SLC26A1: variants seen among roughly 807,000 people sequenced by gnomAD.
SLC26A1 encodes sulfate anion transporter 1.
Under a neutral mutation model 14.5 loss-of-function variants are expected in SLC26A1, and 18 were observed. The observed-to-expected ratio is 1.24, with a 90% CI of 0.86 to 1.84. The LOEUF (loss-of-function observed/expected upper bound fraction) is 1.84. Ranked by LOEUF, SLC26A1 falls within the 40% of genes most tolerant of loss-of-function variation. SLC26A1 has a pLI of 0.00. For missense variants in SLC26A1, 1,049 were observed against 1,020.0 expected (o/e 1.03, Z -0.39); for synonymous variants, 505 against 492.0 (o/e 1.03, Z -0.35).
intron 2 of SLC26A1, chr4:990,679 C>T (rs62294518): frequency 0.013 from 6,022 of 446,526 alleles, 76 homozygotes; most frequent in Non-Finnish European, 0.018. Flanking sequence ...GAAGGCAACC[C>T]CTTCCTGCTG....
downstream of SLC26A1, chr4:987,045 G>A: frequency 6.7e-7 from 1 of 1,501,494 alleles, no homozygotes; most frequent in Admixed American, 2.0e-5. Context: ...GGAACCGGCA[G>A]TGCAGCCCGA....
chr4:980,922 G>A (rs1208879177), intron 2 of SLC26A1, among the ~76,000 whole-genome samples: 1 of 152,056 alleles, frequency 6.6e-6, no homozygotes, highest in African/African-American at 2.4e-5. Context: ...GATTTTGCCT[G>A]TTCTTTTACC....
chr4:986,853 G>C (rs1042360263), downstream of SLC26A1: 3 of 646,062 alleles, frequency 4.6e-6, no homozygotes, highest in African/African-American at 1.8e-5. Flanking sequence ...CCGAGTCATC[G>C]GTCCTCAGAG....
At chr4:981,419 C>T (rs1007651169) in intron 2 of SLC26A1, among the ~76,000 whole-genome samples, 1 of 152,104 alleles carries the variant, frequency 6.6e-6, no homozygotes, top group Admixed American at 6.5e-5. Flanking sequence ...CTAAACCAGC[C>T]CGGGCAAGAC....
Position 987,713 on chromosome 4 carries a change from C to T in SLC26A1, c.*1120G>A. The T allele has an allele frequency of 1.9e-6, 3 of 1,573,180 alleles. No homozygotes were observed. The highest frequency in any genetic ancestry group is 2.6e-6 in the Non-Finnish European group (3 of 1,159,548). Reference sequence around the variant, plus strand: ...CTGAACGCACGGGCAGCGCCTGGATCCTGCGCCCGGGCAGTCCTGGGCTTG... The same window carrying T: ...CTGAACGCACGGGCAGCGCCTGGATTCTGCGCCCGGGCAGTCCTGGGCTTG... On this transcript the variant is annotated 3_prime_UTR_variant, in exon 3 of 3. Coordinates refer to ENST00000398516, the MANE Select transcript of SLC26A1 (RefSeq NM_022042.4).
intron 2 of SLC26A1, chr4:990,787 G>A (rs1714228247): frequency 2.6e-6 from 1 of 391,190 alleles, no homozygotes; most frequent in Non-Finnish European, 4.6e-6. Flanking sequence ...GGGTGGGGAG[G>A]CCATCCCCCA....
chr4:988,484 T>C lies in SLC26A1; in HGVS notation c.*349A>G. ...GGCATAGGGAGTCCTCTTGGCACCT[T>C]GGAGGCTGCATGATGGCGGGGGACC... On this transcript the variant is annotated 3_prime_UTR_variant, in exon 3 of 3. Transcript: ENST00000398516. 8.9e-7 allele frequency: 1 copy of C among 1,122,824 alleles called. No individual in the cohort carries two copies. Among genetic ancestry groups the C allele is most frequent in the Non-Finnish European group, 1.1e-6 (1 of 916,286 alleles). The allele number at this position is 1,122,824 out of a possible 1,614,324, so 69.6% of individuals were successfully genotyped here.
rs983019921 is a variant in SLC26A1, at chr4:988,223, T to C, written c.*610A>G. The C allele has an allele frequency of 3.1e-6, 4 of 1,310,214 alleles. No individual in the cohort carries two copies. The highest frequency in any genetic ancestry group is 3.0e-5 in the African/African-American group (2 of 66,902). 81.2% of individuals were successfully genotyped at this position (1,310,214 alleles called of 1,614,324 possible). ...CTCCTGGTGCACCCGTGAGCATCCC[T>C]GTGTGTGTCTGCTGGCCAGGCTGGG... On this transcript the variant is annotated 3_prime_UTR_variant, in exon 3 of 3. Coordinates refer to ENST00000398516, the MANE Select transcript of SLC26A1 (RefSeq NM_022042.4).
At position 991,168 on chromosome 4, in the gene SLC26A1, C is replaced by T. The variant is rs148387257; in HGVS notation, c.536G>A (p.Arg179His). ...LDCGRDCYAI[R>H]VATALTLMTG... ...CATCAGCGTGAGGGCGGTGGCGACA[C>T]GGATGGCGTAGCAGTCACGCCCGCA... Residue 179 changes from arginine (R) to histidine (H), a missense_variant, in exon 2 of 3, where the codon CGT (arginine) becomes CAT (histidine). By Grantham distance (29) the Arg-to-His change is conservative. Transcript: ENST00000398516. 71 of 1,566,284 alleles carry T rather than the reference C, an allele frequency of 4.5e-5. No homozygotes were observed. The highest frequency in any genetic ancestry group is 2.4e-4 in the African/African-American group (18 of 74,274).
exon 3 of SLC26A1, chr4:979,265 G>A: frequency 1.6e-6 from 1 of 615,848 alleles, no homozygotes; most frequent in Non-Finnish European, 2.9e-6. Context: ...CTGCAGGCTG[G>A]CCAGGTTGAG....
downstream of SLC26A1, chr4:986,715 C>T (rs1713743628): frequency 4.4e-6 from 2 of 456,938 alleles, no homozygotes; most frequent in Non-Finnish European, 8.8e-6. Flanking sequence ...TGAGATCGCG[C>T]CACTGCACCT....
At chr4:982,442 G>A (rs1235821985) in intron 2 of SLC26A1, among the ~76,000 whole-genome samples, 1 of 152,256 alleles carries the variant, frequency 6.6e-6, no homozygotes, top group African/African-American at 2.4e-5. Flanking sequence ...GACCCTCTGA[G>A]CGAAGAGAAA....
downstream of SLC26A1, among the ~76,000 whole-genome samples, chr4:984,737 A>G (rs1713647201): frequency 6.6e-6 from 1 of 152,218 alleles, no homozygotes; most frequent in South Asian, 2.1e-4. Context: ...AGGCTGAGGC[A>G]GAGGTTGCAA....
Position 988,862 on chromosome 4 carries a change from CCCTGTGG to C in SLC26A1, c.2070_2076del (p.His691SerfsTer34). On this transcript the variant is annotated frameshift_variant, in exon 3 of 3. Coordinates refer to ENST00000398516, the MANE Select transcript of SLC26A1 (RefSeq NM_022042.4). LOFTEE classifies it high-confidence loss of function. ...AGATGGGCATCGGTGGCCTCCAGCT[CCCTGTGG>C]CGGGCTCGTGCTGTCTGCACGGCAT... 1 of 1,607,056 alleles carries C rather than the reference CCCTGTGG, an allele frequency of 6.2e-7. No individual in the cohort carries two copies. The highest frequency in any genetic ancestry group is 8.5e-7 in the Non-Finnish European group (1 of 1,177,170).
chr4:988,779 G>A lies in SLC26A1; in HGVS notation c.*54C>T, dbSNP rs1455078953. On this transcript the variant is annotated 3_prime_UTR_variant, in exon 3 of 3. Coordinates refer to ENST00000398516, the MANE Select transcript of SLC26A1 (RefSeq NM_022042.4). ...AGGGTCTCAGCAGTGGCTTGCAGACGTCTGCTGTGGGTCCCCAGGAGGGAG... is the reference window on the plus strand; with the variant it reads ...AGGGTCTCAGCAGTGGCTTGCAGACATCTGCTGTGGGTCCCCAGGAGGGAG... The A allele has an allele frequency of 7.5e-6, 11 of 1,472,430 alleles. No homozygotes were observed. The highest frequency in any genetic ancestry group is 2.5e-5 in the East Asian group (1 of 40,352). 91.2% of individuals were successfully genotyped at this position (1,472,430 alleles called of 1,614,324 possible). A position where few individuals can be genotyped will look rare whatever the true frequency, so the allele number is the denominator to read the frequency against.
In SLC26A1 at chr4:987,946, C is replaced by T. The variant is rs147490060; in HGVS notation, c.*887G>A. 1,581 of 1,577,294 alleles carry T rather than the reference C, an allele frequency of 1.0e-3. 15 individuals carry two copies. In the African/African-American group the frequency reaches 0.019, roughly 19 times the overall value. On this transcript the variant is annotated 3_prime_UTR_variant, in exon 3 of 3. Coordinates refer to ENST00000398516, the MANE Select transcript of SLC26A1 (RefSeq NM_022042.4). ...CACTGGCTGCTGGAGCTTGTCACCA[C>T]CAGGTGGGCGGCGGGCAGGGTCTGG... is the stretch of plus-strand genomic sequence containing the variant.
At chr4:979,367 G>A (rs774902250) in exon 3 of SLC26A1, 10 of 1,149,638 alleles carry the variant, frequency 8.7e-6, no homozygotes, top group Non-Finnish European at 1.3e-5. Flanking sequence ...TGAGGGTCCC[G>A]CATTCTCGAT....
In SLC26A1 at chr4:988,043, C is replaced by T; in HGVS notation, c.*790G>A. 4.7e-6 allele frequency: 7 copies of T among 1,481,024 alleles called. No individual in the cohort carries two copies. In the East Asian group the frequency reaches 7.5e-5, roughly 16 times the overall value. The allele number at this position is 1,481,024 out of a possible 1,614,324, so 91.7% of individuals were successfully genotyped here. ...GGGGCTGCTCGGAAGACCCCTTGTT[C>T]CCCCACCTCCCGCCGAAGCACCCTG... is the stretch of plus-strand genomic sequence containing the variant. On this transcript the variant is annotated 3_prime_UTR_variant, in exon 3 of 3. Transcript: ENST00000398516.
Position 991,525 on chromosome 4 carries a change from A to G in SLC26A1, c.179T>C (p.Leu60Pro). Residue 60 changes from leucine (L) to proline (P), a missense_variant, in exon 2 of 3, where the codon CTG (leucine) becomes CCG (proline). Leu to Pro is a moderately conservative substitution (Grantham distance 98). Coordinates refer to ENST00000398516, the MANE Select transcript of SLC26A1 (RefSeq NM_022042.4). ...VQDLLPATRW[L>P]RQYRPREYLA... ...GTACTCCCGCGGGCGGTACTGACGC[A>G]GCCAGCGCGTGGCGGGGAGCAGGTC... is the stretch of plus-strand genomic sequence containing the variant. 1 of 1,607,548 alleles carries G rather than the reference A, an allele frequency of 6.2e-7. No individual in the cohort carries two copies. Among genetic ancestry groups the G allele is most frequent in the Middle Eastern group, 1.7e-4 (1 of 6,038 alleles).
Sources: gnomAD v4.1 joint callset for allele counts (sites outside exome capture counted in the v4.1 genomes callset) on GRCh38, gnomAD v4.1.1 for gene constraint, MANE v1.5 for transcripts, NCBI Gene and HGNC (gene_info 2026-07-23, HGNC 2026-07-21) for gene names.